The following UNC5A variants were observed in gnomAD, a reference collection of about 807,000 sequenced individuals.
UNC5A encodes the protein unc-5 netrin receptor A.
Under a neutral mutation model 87.4 loss-of-function variants are expected in UNC5A, and 20 were observed. That is an observed-to-expected ratio of 0.23 (90% confidence interval 0.16 to 0.33). The LOEUF (loss-of-function observed/expected upper bound fraction) is 0.33. Ranked by LOEUF, UNC5A falls within the 10% of genes least tolerant of loss-of-function variation. The probability of loss-of-function intolerance (pLI) is 1.00; values close to 1 mark genes in which losing one functional copy is unlikely to be tolerated. For missense variants in UNC5A, 844 were observed against 1,133.4 expected (o/e 0.74, Z 3.67); for synonymous variants, 438 against 482.3 (o/e 0.91, Z 1.20).
intron 1 of UNC5A, among the ~76,000 whole-genome samples, chr5:176,834,693 C>CTCTCTT (rs1757107870): frequency 6.6e-6 from 1 of 151,044 alleles, no homozygotes; most frequent in Admixed American, 6.6e-5. Context: ...CTCTCTCTCT[C>CTCTCTT]TCTCTCTCTC....
intron 8 of UNC5A, among the ~76,000 whole-genome samples, 191 bp from the exon 9 acceptor site, chr5:176,877,001 A>T (rs905766117): frequency 2.6e-5 from 4 of 152,150 alleles, no homozygotes; most frequent in African/African-American, 9.7e-5. Flanking sequence ...TCAGTTGCTC[A>T]TGGGGTGCCC....
rs1331932766 is a variant in UNC5A at position 176,831,086 on chromosome 5, C to G, written c.70+20266C>G. Among the ~76,000 whole-genome samples, 5 of 152,080 alleles carry G rather than the reference C, an allele frequency of 3.3e-5. 1 individual carries two copies. The highest frequency in any genetic ancestry group is 1.2e-4 in the African/African-American group (5 of 41,392). On this transcript the variant is annotated intron_variant, in intron 1 of 14. Transcript: ENST00000329542. ...CTCATCCTTCTGTTGCCCCACCCCCCACCTCCGTGCCTCGGGTCAAACCCC... is the reference window on the plus strand; with the variant it reads ...CTCATCCTTCTGTTGCCCCACCCCCGACCTCCGTGCCTCGGGTCAAACCCC...
At chr5:176,821,226 C>A (rs1756719699) in intron 1 of UNC5A, among the ~76,000 whole-genome samples, 1 of 152,230 alleles carries the variant, frequency 6.6e-6, no homozygotes, top group African/African-American at 2.4e-5. Context: ...CGTGGTTCCT[C>A]CATCCATGCC....
chr5:176,831,749 C>T (rs1757029820), intron 1 of UNC5A, among the ~76,000 whole-genome samples: 1 of 152,184 alleles, frequency 6.6e-6, no homozygotes, highest in Non-Finnish European at 1.5e-5. Context: ...CTGAAGTCCT[C>T]ATCTGTCTGC....
intron 1 of UNC5A, among the ~76,000 whole-genome samples, chr5:176,846,051 G>C (rs916975570): frequency 6.6e-6 from 1 of 152,170 alleles, no homozygotes; most frequent in African/African-American, 2.4e-5. Flanking sequence ...CAGGTTGGTG[G>C]CCATGCTGTT....
chr5:176,879,879 AGTGCT>A lies in UNC5A; in HGVS notation c.2524_2528del (p.Cys842ArgfsTer46). ...GGCCTCTTCACAGTGTCGGAGGCTG[AGTGCT>A]GAGGCCGGCCAGGCCCGACACCTAC... On this transcript the variant is annotated frameshift_variant and stop_lost, in exon 15 of 15. Coordinates refer to ENST00000329542, the MANE Select transcript of UNC5A (RefSeq NM_133369.3). LOFTEE classifies it high-confidence loss of function. 1 of 1,580,604 alleles carries A rather than the reference AGTGCT, an allele frequency of 6.3e-7. No homozygotes were observed. Among genetic ancestry groups the A allele is most frequent in the Non-Finnish European group, 8.6e-7 (1 of 1,162,726 alleles).
chr5:176,869,714 T>G lies in UNC5A; in HGVS notation c.722-656T>G. ...GCCGGAGCTGCACCAACCCGGCGCC[T>G]CTCAACGGGGGCGCTTTCTGTGAGG... On this transcript the variant is annotated intron_variant, in intron 5 of 14. Transcript: ENST00000329542. The surrounding 1 kb of genome is among the most constrained non-coding windows in gnomAD (Gnocchi z 9.1). 1.5e-6 allele frequency: 1 copy of G among 670,278 alleles called. No homozygotes were observed. The allele number at this position is 670,278 out of a possible 1,614,324, so 41.5% of individuals were successfully genotyped here. A position where few individuals can be genotyped will look rare whatever the true frequency, so the allele number is the denominator to read the frequency against.
intron 1 of UNC5A, among the ~76,000 whole-genome samples, chr5:176,816,378 A>G (rs575608752): frequency 6.6e-6 from 1 of 152,372 alleles, no homozygotes; most frequent in South Asian, 2.1e-4. Context: ...TGTCAGAAAC[A>G]GGCCTTCTCA....
Position 176,874,519 on chromosome 5 carries a change from A to G in UNC5A, c.1331A>G (p.Tyr444Cys), listed in dbSNP as rs1758214400. 3 of 1,596,628 alleles carry G rather than the reference A, an allele frequency of 1.9e-6. No individual in the cohort carries two copies. The highest frequency in any genetic ancestry group is 1.7e-5 in the Admixed American group (1 of 58,444). Residue 444 changes from tyrosine (Y) to cysteine (C), a missense_variant, in exon 8 of 15, where the codon TAT becomes TGT. By Grantham distance (194) the Tyr-to-Cys change is radical. Around this residue, in one of 3 missense-constraint regions of UNC5A, gnomAD observed 353 missense variants for 387.5 expected, o/e 0.91. Transcript: ENST00000329542. The surrounding 1 kb of genome is among the most constrained non-coding windows in gnomAD (Gnocchi z 7.6). ...CCCCGAGGCACCAGCAACATGACCT[A>G]TGGGACCTTCAACTTCCTCGGGGGC... ...SLPRGTSNMTYGTFNFLGGRL... is the reference protein window; with the variant it reads ...SLPRGTSNMTCGTFNFLGGRL...
At chr5:176,831,388 C>T (rs1757022451) in intron 1 of UNC5A, among the ~76,000 whole-genome samples, 1 of 152,152 alleles carries the variant, frequency 6.6e-6, no homozygotes, top group Admixed American at 6.5e-5. Context: ...GGACCTGGCA[C>T]CCCTTTTGTT....
At chr5:176,820,159 A>G (rs1331419688) in intron 1 of UNC5A, among the ~76,000 whole-genome samples, 1 of 152,158 alleles carries the variant, frequency 6.6e-6, no homozygotes, top group Non-Finnish European at 1.5e-5. Flanking sequence ...GCATTTTGGG[A>G]GGCCGAGGCG....
intron 13 of UNC5A, 152 bp from the exon 14 acceptor site, chr5:176,879,158 G>T (rs1758345525): frequency 1.0e-6 from 1 of 956,188 alleles, no homozygotes; most frequent in African/African-American, 1.7e-5. Flanking sequence ...CCAGTAAGAA[G>T]GGCCTTGGCA....
At chr5:176,862,540 C>T (rs2149363809) in intron 1 of UNC5A, 84 bp from the exon 2 acceptor site, 1 of 1,315,048 alleles carries the variant, frequency 7.6e-7, no homozygotes, top group East Asian at 2.5e-5. Flanking sequence ...TGCCCCAACC[C>T]ACGGTGGAAT....
chr5:176,826,750 C>T (rs1200022607), intron 1 of UNC5A, among the ~76,000 whole-genome samples: 8 of 150,424 alleles, frequency 5.3e-5, no homozygotes, highest in African/African-American at 2.4e-5. Context: ...ACGCCATTCT[C>T]CTGCCTCAGC....
chr5:176,854,703 T>A (rs1316371867), intron 1 of UNC5A, among the ~76,000 whole-genome samples: 1 of 152,226 alleles, frequency 6.6e-6, no homozygotes, highest in Non-Finnish European at 1.5e-5. Flanking sequence ...TGGGCTCTTG[T>A]CCCATTGCTG....
In UNC5A at chr5:176,859,151, A is replaced by AGAATGTCCTTGCTAGAGGGCATG. The variant is rs1757760724; in HGVS notation, c.71-3472_71-3471insAATGTCCTTGCTAGAGGGCATGG. ...CTAGAATGCCCTTGCTAGAGGGCAT[A>AGAATGTCCTTGCTAGAGGGCATG]GCTGCTACAATGTCCTTGCTAGAGG... is the stretch of plus-strand genomic sequence containing the variant. On this transcript the variant is annotated intron_variant, in intron 1 of 14. Coordinates refer to ENST00000329542, the MANE Select transcript of UNC5A (RefSeq NM_133369.3). Among the ~76,000 whole-genome samples the AGAATGTCCTTGCTAGAGGGCATG allele has an allele frequency of 2.8e-4, 7 of 25,448 alleles. 1 individual carries two copies. In the East Asian group the frequency reaches 3.0e-3, roughly 11 times the overall value. 16.7% of individuals were successfully genotyped at this position (25,448 alleles called of 152,430 possible). A position where few individuals can be genotyped will look rare whatever the true frequency, so the allele number is the denominator to read the frequency against.
At chr5:176,811,742 T>TG (rs1201345603) in intron 1 of UNC5A, among the ~76,000 whole-genome samples, 5 of 151,596 alleles carry the variant, frequency 3.3e-5, no homozygotes, top group Non-Finnish European at 7.4e-5. Context: ...TCTGTGGTGG[T>TG]GGGGGGTGGG....
chr5:176,857,130 T>C (rs559123988), intron 1 of UNC5A, among the ~76,000 whole-genome samples: 2 of 152,354 alleles, frequency 1.3e-5, no homozygotes, highest in African/African-American at 4.8e-5. Context: ...TCTGAAAGTC[T>C]GCCCCTTCTA....
intron 1 of UNC5A, among the ~76,000 whole-genome samples, chr5:176,832,144 A>G (rs6556288): frequency 0.93 from 141,496 of 152,156 alleles, 66,329 homozygotes; most frequent in East Asian, 1. Flanking sequence ...TGATCCACCC[A>G]GCTCAGCCTC....
Sources: allele counts gnomAD v4.1 joint callset (sites outside exome capture counted in the v4.1 genomes callset), GRCh38; gene constraint gnomAD v4.1.1; regional missense constraint gnomAD v4.1.1; non-coding constraint Gnocchi (gnomAD v3.1); transcripts MANE v1.5; gene names NCBI Gene and HGNC (gene_info 2026-07-23, HGNC 2026-07-21).